The following NGEF variants were observed in gnomAD, a reference collection of about 807,000 sequenced individuals.
The protein encoded by NGEF is ephexin-1.
Under a neutral mutation model 80.9 loss-of-function variants are expected in NGEF, and 31 were observed. The observed-to-expected ratio is 0.38, with a 90% CI of 0.29 to 0.52. NGEF has a LOEUF of 0.52. Among genes scored for constraint, NGEF ranks in the 20% least tolerant of loss-of-function variants. The pLI is 0.84. For missense variants in NGEF, 709 were observed against 926.2 expected, an observed-to-expected ratio of 0.77 and a Z score of 3.04; for synonymous variants, 371 against 370.2, an observed-to-expected ratio of 1.00 and a Z score of -0.03.
At chr2:232,955,745 CTGACCTCAAG>C in intron 3 of NGEF, among the ~76,000 whole-genome samples, 1 of 152,294 alleles carries the variant, frequency 6.6e-6, no homozygotes, top group East Asian at 1.9e-4. Context: ...TCCTGAACTC[CTGACCTCAAG>C]TGATCCACTC....
chr2:232,950,555 C>T (rs1178513746), intron 3 of NGEF, among the ~76,000 whole-genome samples: 1 of 152,118 alleles, frequency 6.6e-6, no homozygotes, highest in African/African-American at 2.4e-5. Context: ...AGAGAGGAGC[C>T]TCCCAGGGCC....
At chr2:232,926,941 CTTCGTA>C in intron 4 of NGEF, 97 bp downstream of exon 4, 1 of 1,468,906 alleles carries the variant, frequency 6.8e-7, no homozygotes, top group Non-Finnish European at 9.4e-7. Context: ...AGACGCAGTC[CTTCGTA>C]TGAAACACAA....
intron 10 of NGEF, 125 bp from the exon 11 acceptor site, chr2:232,884,269 T>C: frequency 5.2e-6 from 6 of 1,160,772 alleles, no homozygotes; most frequent in Non-Finnish European, 5.9e-6. Context: ...GAGGCACAAG[T>C]TGGGGGGAAA....
rs781327557 is a variant in NGEF, at chr2:232,970,479, G to A, written c.269-151C>T. 1.5e-4 allele frequency: 84 copies of A among 560,746 alleles called. 2 individuals are homozygous for A. The highest frequency in any genetic ancestry group is 5.9e-4 in the South Asian group (27 of 45,656). 34.7% of individuals were successfully genotyped at this position (560,746 alleles called of 1,614,324 possible). ...TGTCCCTCCCCTCACTCCCTGAAGGGGAGTTTGTCACACCTCATGCTGTGT... is the reference window on the plus strand; with the variant it reads ...TGTCCCTCCCCTCACTCCCTGAAGGAGAGTTTGTCACACCTCATGCTGTGT... On this transcript the variant is annotated intron_variant, in intron 2 of 14. Transcript: ENST00000264051.
At chr2:232,912,949 A>G (rs1250130695) in intron 5 of NGEF, among the ~76,000 whole-genome samples, 1 of 151,978 alleles carries the variant, frequency 6.6e-6, no homozygotes, top group East Asian at 1.9e-4. Context: ...CAAAGAATTC[A>G]ATTTTGGTTT....
intron 1 of NGEF, among the ~76,000 whole-genome samples, chr2:232,990,603 A>G (rs1048225764): frequency 6.6e-6 from 1 of 152,114 alleles, no homozygotes; most frequent in Non-Finnish European, 1.5e-5. Context: ...CTTCTCCCAA[A>G]TATCATTAAA....
Position 232,995,054 on chromosome 2 carries a change from A to ATGTG in NGEF, c.-75+18013_-75+18014insCACA, listed in dbSNP as rs1694752888. Reference sequence around the variant, plus strand: ...TATATGTACAGTATGTATACTGTATATATGTACAGTATGTATACTGTATAT... The same window carrying ATGTG: ...TATATGTACAGTATGTATACTGTATATGTGTATGTACAGTATGTATACTGTATAT... On this transcript the variant is annotated intron_variant, in intron 1 of 14. Transcript: ENST00000264051. Among the ~76,000 whole-genome samples the ATGTG allele has an allele frequency of 5.1e-5, 4 of 78,484 alleles. 1 individual carries two copies. The highest frequency in any genetic ancestry group is 3.2e-4 in the African/African-American group (4 of 12,628). The allele number at this position is 78,484 out of a possible 152,430, so 51.5% of individuals were successfully genotyped here. A position where few individuals can be genotyped will look rare whatever the true frequency, so the allele number is the denominator to read the frequency against.
At chr2:232,904,658 C>T (rs559931418) in intron 5 of NGEF, among the ~76,000 whole-genome samples, 2 of 152,324 alleles carry the variant, frequency 1.3e-5, no homozygotes, top group East Asian at 3.9e-4. Context: ...AAAACAAAAA[C>T]TGAGGCCTAG....
chr2:232,985,500 T>C (rs890509414), intron 1 of NGEF, among the ~76,000 whole-genome samples: 3 of 151,904 alleles, frequency 2.0e-5, no homozygotes, highest in Admixed American at 6.6e-5. Context: ...CACCTGTAAT[T>C]CCAGCACTTT....
At chr2:232,997,090 T>C (rs1362777618) in intron 1 of NGEF, among the ~76,000 whole-genome samples, 1 of 152,176 alleles carries the variant, frequency 6.6e-6, no homozygotes, top group East Asian at 1.9e-4. Flanking sequence ...TGGGTCCTTG[T>C]AGGTGGTTTG....
At chr2:232,999,989 A>G (rs2106342503) in intron 1 of NGEF, among the ~76,000 whole-genome samples, 1 of 152,350 alleles carries the variant, frequency 6.6e-6, no homozygotes, top group Middle Eastern at 3.4e-3. Context: ...ACTGTAGACT[A>G]GGTGGTGTAA....
chr2:232,962,415 G>C (rs1051903827), intron 3 of NGEF, among the ~76,000 whole-genome samples: 3 of 151,008 alleles, frequency 2.0e-5, no homozygotes, highest in Non-Finnish European at 2.9e-5. Flanking sequence ...CAGGTGTGGT[G>C]GTGGGCACCT....
At chr2:232,936,142 C>T (rs972452118) in intron 3 of NGEF, among the ~76,000 whole-genome samples, 4 of 152,140 alleles carry the variant, frequency 2.6e-5, no homozygotes, top group Admixed American at 2.0e-4. Flanking sequence ...TACCCAGAAA[C>T]CCATACTCTG....
intron 5 of NGEF, among the ~76,000 whole-genome samples, chr2:232,918,616 A>G (rs1692861978): frequency 1.5e-5 from 2 of 134,622 alleles, no homozygotes; most frequent in Non-Finnish European, 3.2e-5. Flanking sequence ...TTCTACTAGG[A>G]TTTATTTCTA....
At position 232,942,788 on chromosome 2, in the gene NGEF, G is replaced by A. The variant is rs561048005; in HGVS notation, c.384-15602C>T. On this transcript the variant is annotated intron_variant, in intron 3 of 14. Coordinates refer to ENST00000264051, the MANE Select transcript of NGEF (RefSeq NM_019850.3). ...TTGGGAGGCTGAGGCAGGAGACTCC[G>A]TCTCAAAAAAAAAAAAAAAGAAAAG... 1.3e-4 allele frequency among the ~76,000 whole-genome samples: 13 copies of A among 99,842 alleles called. No individual in the cohort carries two copies. In the East Asian group the frequency reaches 2.5e-3, roughly 19 times the overall value. 65.5% of individuals were successfully genotyped at this position (99,842 alleles called of 152,430 possible).
chr2:232,943,722 C>T (rs1477784125), intron 3 of NGEF, among the ~76,000 whole-genome samples: 1 of 150,594 alleles, frequency 6.6e-6, no homozygotes, highest in Non-Finnish European at 1.5e-5. Flanking sequence ...GTCTCAATCT[C>T]CTGACCTCGT....
chr2:232,944,730 T>TATATATATATATATATATAC (rs1186973835), intron 3 of NGEF, among the ~76,000 whole-genome samples: 1 of 29,734 alleles, frequency 3.4e-5, no homozygotes, highest in African/African-American at 2.1e-4. Flanking sequence ...TTTCCGAATA[T>TATATATATATATATATATAC]ATATATATAT....
Position 232,883,337 on chromosome 2 carries a change from G to A in NGEF, c.1731C>T (p.Ala577=), listed in dbSNP as rs568867702. 1 of 1,610,362 alleles carries A rather than the reference G, an allele frequency of 6.2e-7. No homozygotes were observed. The highest frequency in any genetic ancestry group is 2.2e-5 in the East Asian group (1 of 44,784). The part of the protein sequence containing the change: ...RLLENADDRE[A]TYMLKASSQS... ...GAGAGGACGCCTTTAGCATGTAGGTGGCCTCCCGGTCATCTGCGTTCTCCA... is the reference window on the plus strand; with the variant it reads ...GAGAGGACGCCTTTAGCATGTAGGTAGCCTCCCGGTCATCTGCGTTCTCCA... Residue 577 remains alanine, a synonymous_variant, in exon 12 of 15, where the codon GCC becomes GCT. Transcript: ENST00000264051.
intron 5 of NGEF, among the ~76,000 whole-genome samples, chr2:232,913,754 A>G (rs1377638566): frequency 6.6e-6 from 1 of 152,046 alleles, no homozygotes; most frequent in Non-Finnish European, 1.5e-5. Context: ...CCATGTCTCC[A>G]CTAAAAACAC....
Sources: allele counts gnomAD v4.1 joint callset (sites outside exome capture counted in the v4.1 genomes callset), GRCh38; gene constraint gnomAD v4.1.1; transcripts MANE v1.5; gene names NCBI Gene and HGNC (gene_info 2026-07-23, HGNC 2026-07-21).